Variants in CPAMD8 observed in about 807,000 individuals in gnomAD.
The protein encoded by CPAMD8 is C3 and PZP-like alpha-2-macroglobulin domain-containing protein 8.
In CPAMD8, 146 loss-of-function variants were observed where a neutral mutation model predicts 224.7. The ratio of observed to expected loss-of-function variants is 0.65; its 90% CI spans 0.57 to 0.75. The LOEUF is 0.75. Ranked by LOEUF, CPAMD8 falls within the 30% of genes least tolerant of loss-of-function variation. The probability of loss-of-function intolerance (pLI) is 0.00; values close to 1 mark genes in which losing one functional copy is unlikely to be tolerated. For missense variants in CPAMD8, 2,301 were observed against 2,537.5 expected (o/e 0.91, Z 2.00); for synonymous variants, 966 against 1,044.6 (o/e 0.92, Z 1.45).
At chr19:16,985,660 T>C (rs1191818003) in intron 13 of CPAMD8, among the ~76,000 whole-genome samples, 1 of 140,830 alleles carries the variant, frequency 7.1e-6, no homozygotes, top group African/African-American at 2.7e-5. Context: ...GATGGATGAA[T>C]AGATAGATGG....
intron 3 of CPAMD8, among the ~76,000 whole-genome samples, chr19:17,013,951 C>T (rs2056737197): frequency 6.7e-6 from 1 of 150,364 alleles, no homozygotes. Flanking sequence ...TCTCTCCCTC[C>T]CTTCCTTTCT....
intron 3 of CPAMD8, among the ~76,000 whole-genome samples, chr19:17,019,425 T>C (rs2056895561): frequency 6.6e-6 from 1 of 152,148 alleles, no homozygotes; most frequent in Admixed American, 6.6e-5. Flanking sequence ...GCCCGGCCAG[T>C]GGTGTGTGTC....
intron 14 of CPAMD8, among the ~76,000 whole-genome samples, chr19:16,980,016 G>A (rs540452518): frequency 2.6e-5 from 4 of 152,064 alleles, no homozygotes; most frequent in African/African-American, 4.8e-5. Flanking sequence ...TGCACAGGAC[G>A]CCCCCACTCT....
Position 16,897,732 on chromosome 19 carries a change from G to C in CPAMD8, c.5024C>G (p.Pro1675Arg). The change falls in exon 39 of 42, where the codon CCC (proline) becomes CGC (arginine). Residue 1675 changes from proline to arginine, a missense_variant. Around this residue, in one of 4 missense-constraint regions of CPAMD8, gnomAD observed 1,709 missense variants for 1,753.2 expected, o/e 0.97. Transcript: ENST00000443236. ...SPLARELCAG[P>R]ACNEVERAPA... ...GGCGCGCTCCACTTCGTTGCACGCG[G>C]GTCCGGCGCACAGTTCCCGGGCGAG... is the stretch of plus-strand genomic sequence containing the variant. The C allele has an allele frequency of 6.4e-7, 1 of 1,570,776 alleles. No individual in the cohort carries two copies. Among genetic ancestry groups the C allele is most frequent in the Non-Finnish European group, 8.6e-7 (1 of 1,160,840 alleles).
intron 5 of CPAMD8, 35 bp from the exon 6 acceptor site, chr19:17,009,355 T>C: frequency 6.2e-7 from 1 of 1,613,986 alleles, no homozygotes; most frequent in Non-Finnish European, 8.5e-7. Context: ...GAGCAAATCT[T>C]CCAGCAAACC....
At position 16,901,222 on chromosome 19, in the gene CPAMD8, C is replaced by T; in HGVS notation, c.4761G>A (p.Glu1587=). The change falls in exon 36 of 42, where the codon GAG becomes GAA. Residue 1587 remains glutamate (E), a synonymous_variant. Transcript: ENST00000443236. The stretch of plus-strand genomic sequence containing the variant: ...GGCGCTGCCTCACCTGCTCCAGGCT[C>T]TCGATGTCTGCCCGGAAGCCTGACA... The part of the protein sequence containing the change: ...PLLSGFRADI[E]SLEQLLLDKH... 1 of 1,610,554 alleles carries T rather than the reference C, an allele frequency of 6.2e-7. No individual in the cohort carries two copies. The highest frequency in any genetic ancestry group is 8.5e-7 in the Non-Finnish European group (1 of 1,178,684).
chr19:17,010,498 C>T (rs986611498), intron 5 of CPAMD8, among the ~76,000 whole-genome samples: 7 of 152,166 alleles, frequency 4.6e-5, no homozygotes, highest in East Asian at 1.9e-4. Flanking sequence ...CTCAGCCTCC[C>T]GAAGTGCTGG....
At chr19:16,915,811 G>A (rs746439608) in intron 27 of CPAMD8, among the ~76,000 whole-genome samples, 5 of 136,444 alleles carry the variant, frequency 3.7e-5, no homozygotes, top group Admixed American at 2.3e-4. Context: ...TAGCCTGCCC[G>A]CCTGCCCGCC....
chr19:16,901,686 T>C (rs2052263749), intron 35 of CPAMD8, among the ~76,000 whole-genome samples: 1 of 152,070 alleles, frequency 6.6e-6, no homozygotes, highest in Non-Finnish European at 1.5e-5. Context: ...CTCTGGGAAA[T>C]CAACCCCCTA....
rs755059757 is a variant in CPAMD8, at chr19:16,893,255, G to T, written c.5511C>A (p.Gly1837=). 6.4e-7 allele frequency: 1 copy of T among 1,571,846 alleles called. No homozygotes were observed. Among genetic ancestry groups the T allele is most frequent in the South Asian group, 1.2e-5 (1 of 86,216 alleles). Reference sequence around the variant, plus strand: ...TATGTCTCTGAGGGGCCGGAGTCTGGCCCCATCTGTGGAACGGGCTGGCGC... The same window carrying T: ...TATGTCTCTGAGGGGCCGGAGTCTGTCCCCATCTGTGGAACGGGCTGGCGC... The part of the protein sequence containing the change: ...TQSASPFHRW[G]QTPAPQRHSG... Residue 1837 remains glycine, a synonymous_variant, in exon 42 of 42, where the codon GGC becomes GGA. Transcript: ENST00000443236.
intron 18 of CPAMD8, among the ~76,000 whole-genome samples, chr19:16,962,577 G>A (rs1335523322): frequency 3.3e-5 from 5 of 152,202 alleles, no homozygotes; most frequent in Non-Finnish European, 5.9e-5. Context: ...TGGTGTACCT[G>A]AAAGTGATGG....
rs1568459452 is a variant in CPAMD8 at position 16,906,378 on chromosome 19, CTTTCTTTCTTTCTTTCTTTCT to C, written c.4027+553_4027+573del. ...TCTTTCTTTCTTTCTTTCTTTCTTT[CTTTCTTTCTTTCTTTCTTTCT>C]TTCTTTCTTTCCTTCCTTCCTTCCT... On this transcript the variant is annotated intron_variant, in intron 30 of 41. Transcript: ENST00000443236. Among the ~76,000 whole-genome samples the C allele has an allele frequency of 2.3e-3, 167 of 71,648 alleles. 2 individuals are homozygous for C. Among genetic ancestry groups the C allele is most frequent in the Middle Eastern group, 7.6e-3 (1 of 132 alleles). 47.0% of individuals were successfully genotyped at this position (71,648 alleles called of 152,430 possible).
Position 16,897,677 on chromosome 19 carries a change from C to G in CPAMD8, c.5065+14G>C. ...AGGCCGCGGTGGGGGGCGGCAGTGG[C>G]TCCGCGCACTCACCCGGGCCCCGGG... On this transcript the variant is annotated intron_variant, in intron 39 of 41. Coordinates refer to ENST00000443236, the MANE Select transcript of CPAMD8 (RefSeq NM_015692.5). 1 of 1,435,558 alleles carries G rather than the reference C, an allele frequency of 7.0e-7. No homozygotes were observed. The highest frequency in any genetic ancestry group is 1.3e-5 in the South Asian group (1 of 75,604). 88.9% of individuals were successfully genotyped at this position (1,435,558 alleles called of 1,614,324 possible). A position where few individuals can be genotyped will look rare whatever the true frequency, so the allele number is the denominator to read the frequency against.
In CPAMD8 at chr19:16,925,957, C is replaced by T. The variant is rs571938921; in HGVS notation, c.3371-585G>A. Among the ~76,000 whole-genome samples, 4 of 152,092 alleles carry T rather than the reference C, an allele frequency of 2.6e-5. No individual in the cohort carries two copies. The South Asian group carries it at 8.3e-4, about 32-fold the overall frequency. ...TATTTTTTTAGTAGAGACAGGGTTTCATCATGTTGGCCAGGCTGGTCTTGA... is the reference window on the plus strand; with the variant it reads ...TATTTTTTTAGTAGAGACAGGGTTTTATCATGTTGGCCAGGCTGGTCTTGA... On this transcript the variant is annotated intron_variant, in intron 25 of 41. Transcript: ENST00000443236.
chr19:16,899,581 G>A lies in CPAMD8; in HGVS notation c.4774-32C>T. The A allele has an allele frequency of 1.9e-6, 2 of 1,064,028 alleles. No individual in the cohort carries two copies. The highest frequency in any genetic ancestry group is 2.9e-6 in the Non-Finnish European group (2 of 678,278). The allele number at this position is 1,064,028 out of a possible 1,614,324, so 65.9% of individuals were successfully genotyped here. On this transcript the variant is annotated intron_variant, in intron 36 of 41. Coordinates refer to ENST00000443236, the MANE Select transcript of CPAMD8 (RefSeq NM_015692.5). This position sits in a 1 kb window ranked among gnomAD's most constrained non-coding sequence, Gnocchi z 5.4. ...AGGAAGCCAGAAGTCAGGGTCCTCA[G>A]ACTCTCTACTTGCTTCCTCTCCCAT...
intron 18 of CPAMD8, among the ~76,000 whole-genome samples, chr19:16,961,246 T>C (rs2054644373): frequency 1.3e-5 from 2 of 152,200 alleles, no homozygotes. Flanking sequence ...GGTCAGGGGA[T>C]TTCCCTTTCC....
intron 35 of CPAMD8, among the ~76,000 whole-genome samples, chr19:16,902,027 A>T (rs148240217): frequency 6.6e-6 from 1 of 152,174 alleles, no homozygotes; most frequent in Non-Finnish European, 1.5e-5. Flanking sequence ...AGCATCCATC[A>T]CCATGGCAAC....
In CPAMD8 at chr19:16,919,965, G is replaced by C. The variant is rs534510897; in HGVS notation, c.3629+1940C>G. Among the ~76,000 whole-genome samples, 3 of 152,298 alleles carry C rather than the reference G, an allele frequency of 2.0e-5. No individual in the cohort carries two copies. The East Asian group carries it at 5.8e-4, about 29-fold the overall frequency. ...AGAGGGATGTGTGGTAAGGAAACAG[G>C]CTCAGAGAGGTTGATCATCGGGTCT... On this transcript the variant is annotated intron_variant, in intron 27 of 41. Transcript: ENST00000443236.
At chr19:16,998,235 A>C (rs1426171751) in intron 10 of CPAMD8, among the ~76,000 whole-genome samples, 1 of 152,164 alleles carries the variant, frequency 6.6e-6, no homozygotes, top group Non-Finnish European at 1.5e-5. Flanking sequence ...CAGCAGCGGC[A>C]GATCACTTGA....
Sources: allele counts gnomAD v4.1 joint callset (sites outside exome capture counted in the v4.1 genomes callset), GRCh38; gene constraint gnomAD v4.1.1; regional missense constraint gnomAD v4.1.1; non-coding constraint Gnocchi (gnomAD v3.1); transcripts MANE v1.5; gene names NCBI Gene and HGNC (gene_info 2026-07-23, HGNC 2026-07-21).